SMYD3: variants seen among roughly 807,000 people sequenced by gnomAD.
SMYD3 encodes histone-lysine N-methyltransferase SMYD3.
A neutral mutation model predicts 57.7 loss-of-function variants in SMYD3; 36 were observed. The observed-to-expected ratio is 0.62, with a 90% CI of 0.48 to 0.82. The LOEUF is 0.82. Ranked by LOEUF, SMYD3 falls within the 40% of genes least tolerant of loss-of-function variation. The probability of loss-of-function intolerance (pLI) is 0.00; values close to 1 mark genes in which losing one functional copy is unlikely to be tolerated. For synonymous variants in SMYD3, 211 were observed against 195.0 expected, an observed-to-expected ratio of 1.08 and a Z score of -0.68; for missense variants, 515 against 538.8, an observed-to-expected ratio of 0.96 and a Z score of 0.44.
chr1:246,392,368 G>A (rs1572454416), intron 1 of SMYD3, among the ~76,000 whole-genome samples: 1 of 152,018 alleles, frequency 6.6e-6, no homozygotes, highest in African/African-American at 2.4e-5. Flanking sequence ...AACATGAGAG[G>A]AGCACTCACT....
chr1:245,979,241 A>G (rs2058534757), intron 5 of SMYD3, among the ~76,000 whole-genome samples: 2 of 152,158 alleles, frequency 1.3e-5, no homozygotes, highest in Non-Finnish European at 2.9e-5. Context: ...CCAGGGTAAA[A>G]ACAACTGGGA....
intron 10 of SMYD3, among the ~76,000 whole-genome samples, chr1:245,797,828 CAAAAAA>C (rs559088835): frequency 9.1e-6 from 1 of 109,432 alleles, no homozygotes; most frequent in East Asian, 3.5e-4. Context: ...TTCCGGGTTC[CAAAAAA>C]AAAAAAAAAA....
Position 245,767,181 on chromosome 1 carries a change from A to G in SMYD3, c.1077-3032T>C, listed in dbSNP as rs143762990. Reference sequence around the variant, plus strand: ...GAGGTAGTAGTCTTGACAGGACAAAAAGACGGTCATCTTTTGATAGGATTG... The same window carrying G: ...GAGGTAGTAGTCTTGACAGGACAAAGAGACGGTCATCTTTTGATAGGATTG... On this transcript the variant is annotated intron_variant, in intron 10 of 11. Coordinates refer to ENST00000490107, the MANE Select transcript of SMYD3 (RefSeq NM_001167740.2). Among the ~76,000 whole-genome samples the G allele has an allele frequency of 6.1e-3, 934 of 152,244 alleles. 14 individuals carry two copies. Among genetic ancestry groups the G allele is most frequent in the African/African-American group, 0.021 (885 of 41,530 alleles).
At chr1:246,398,121 T>G (rs1006925500) in intron 1 of SMYD3, among the ~76,000 whole-genome samples, 2 of 152,154 alleles carry the variant, frequency 1.3e-5, no homozygotes, top group African/African-American at 4.8e-5. Context: ...ATTGGAGAAG[T>G]TACAAATCTT....
intron 1 of SMYD3, among the ~76,000 whole-genome samples, chr1:246,462,214 C>T (rs2067809029): frequency 1.8e-5 from 2 of 111,350 alleles, no homozygotes; most frequent in South Asian, 6.8e-4. Flanking sequence ...GCGGGGCCTG[C>T]TGGGTACAGT....
chr1:246,506,999 C>CCCCCCCA, intron 1 of SMYD3, 55 bp downstream of exon 1: 2 of 972,794 alleles, frequency 2.1e-6, no homozygotes, highest in Non-Finnish European at 2.6e-6. Context: ...GCCCCCCCCT[C>CCCCCCCA]CCCAGCACCC....
intron 10 of SMYD3, among the ~76,000 whole-genome samples, chr1:245,764,980 A>AC (rs1452761890): frequency 6.8e-6 from 1 of 147,224 alleles, no homozygotes; most frequent in Non-Finnish European, 1.5e-5. Context: ...AATACCCCCT[A>AC]CCCCTACTCT....
At chr1:246,208,014 A>G (rs530013778) in intron 5 of SMYD3, among the ~76,000 whole-genome samples, 1 of 152,280 alleles carries the variant, frequency 6.6e-6, no homozygotes, top group East Asian at 1.9e-4. Context: ...TTAAAAATGA[A>G]GAGTGACAAG....
chr1:246,227,895 T>C (rs1327455226), intron 5 of SMYD3, among the ~76,000 whole-genome samples: 1 of 152,054 alleles, frequency 6.6e-6, no homozygotes, highest in African/African-American at 2.4e-5. Context: ...ATAAAATAGA[T>C]TTGGCATCAT....
At chr1:245,890,317 C>A (rs1273462123) in intron 8 of SMYD3, among the ~76,000 whole-genome samples, 1 of 152,092 alleles carries the variant, frequency 6.6e-6, no homozygotes, top group Non-Finnish European at 1.5e-5. Flanking sequence ...GTGAAAATAT[C>A]TGCAAACTAC....
Position 245,927,941 on chromosome 1 carries a change from A to C in SMYD3, c.692T>G (p.Val231Gly), listed in dbSNP as rs1264372876. ...CATGAGTTTCCTTACCTCCTCTCCC[A>C]CCTCGATGTCTCGGACTGCTCGCAG... The part of the protein sequence containing the change: ...LLLRAVRDIE[V>G]GEELTICYLD... The change falls in exon 7 of 12, where the codon GTG becomes GGG. Residue 231 changes from valine to glycine, a missense_variant. Coordinates refer to ENST00000490107, the MANE Select transcript of SMYD3 (RefSeq NM_001167740.2). The C allele has an allele frequency of 6.2e-7, 1 of 1,611,152 alleles. No homozygotes were observed. The highest frequency in any genetic ancestry group is 8.5e-7 in the Non-Finnish European group (1 of 1,178,502).
intron 7 of SMYD3, among the ~76,000 whole-genome samples, chr1:245,918,713 T>A (rs929342294): frequency 1.1e-4 from 16 of 152,252 alleles, no homozygotes; most frequent in African/African-American, 3.9e-4. Context: ...ACTATCAGGC[T>A]CTGTGGGTCC....
chr1:246,085,402 A>G (rs2788021), intron 5 of SMYD3, among the ~76,000 whole-genome samples: 55,513 of 151,866 alleles, frequency 0.37, 12,752 homozygotes, highest in African/African-American at 0.64. Context: ...GATTTGAGAA[A>G]ACAGACCTTC....
chr1:245,841,724 A>T (rs2050412451), intron 10 of SMYD3, among the ~76,000 whole-genome samples: 1 of 152,212 alleles, frequency 6.6e-6, no homozygotes, highest in Admixed American at 6.5e-5. Context: ...AGGTAGAAAA[A>T]TTGTATTTCA....
At position 245,856,332 on chromosome 1, in the gene SMYD3, C is replaced by A. The variant is rs1045599447; in HGVS notation, c.1076+2164G>T. On this transcript the variant is annotated intron_variant, in intron 10 of 11. Transcript: ENST00000490107. Reference sequence around the variant, plus strand: ...CTCACTCATGTGAAGTGGATCAATGCAGATTGGATTTCTTGAAATACCACC... The same window carrying A: ...CTCACTCATGTGAAGTGGATCAATGAAGATTGGATTTCTTGAAATACCACC... Among the ~76,000 whole-genome samples, 22 of 152,148 alleles carry A rather than the reference C, an allele frequency of 1.4e-4. 1 individual carries two copies.
intron 5 of SMYD3, among the ~76,000 whole-genome samples, chr1:246,153,782 T>C (rs1485485396): frequency 6.6e-6 from 1 of 152,192 alleles, no homozygotes; most frequent in African/African-American, 2.4e-5. Flanking sequence ...AAGTCTTCTA[T>C]TTTAAACAAT....
intron 1 of SMYD3, among the ~76,000 whole-genome samples, chr1:246,470,254 G>A (rs1170573015): frequency 6.6e-6 from 1 of 152,086 alleles, no homozygotes; most frequent in Non-Finnish European, 1.5e-5. Context: ...CACTTTGGGA[G>A]GTCGAGGCGG....
chr1:246,394,088 T>C (rs1194247184), intron 1 of SMYD3, among the ~76,000 whole-genome samples: 1 of 152,166 alleles, frequency 6.6e-6, no homozygotes, highest in Non-Finnish European at 1.5e-5. Context: ...AATAAATAAC[T>C]GTTATCCTTA....
At chr1:246,469,934 T>C (rs999324072) in intron 1 of SMYD3, among the ~76,000 whole-genome samples, 1 of 152,360 alleles carries the variant, frequency 6.6e-6, no homozygotes, top group East Asian at 1.9e-4. Context: ...ATGGACATTG[T>C]GTGCTTCCTG....
Sources: allele counts gnomAD v4.1 joint callset (sites outside exome capture counted in the v4.1 genomes callset), GRCh38; gene constraint gnomAD v4.1.1; transcripts MANE v1.5; gene names NCBI Gene and HGNC (gene_info 2026-07-23, HGNC 2026-07-21).